The following HEATR5A variants were observed in gnomAD, a reference collection of about 807,000 sequenced individuals.
The protein encoded by HEATR5A is HEAT repeat-containing protein 5A.
In HEATR5A, 178 loss-of-function variants were observed where a neutral mutation model predicts 218.8. That is an observed-to-expected ratio of 0.81 (90% CI 0.72 to 0.92). HEATR5A has a LOEUF of 0.92. Ranked by LOEUF, HEATR5A falls within the 40% of genes least tolerant of loss-of-function variation. HEATR5A has a pLI of 0.00. For synonymous variants in HEATR5A, 864 were observed against 871.6 expected (o/e 0.99, Z 0.15); for missense variants, 2,420 against 2,418.9 (o/e 1.00, Z -0.01).
intron 6 of HEATR5A, among the ~76,000 whole-genome samples, chr14:31,393,120 C>G (rs985403578): frequency 2.0e-5 from 3 of 152,096 alleles, no homozygotes; most frequent in Non-Finnish European, 4.4e-5. Context: ...TATATGTAGT[C>G]AGATGCATGC....
At chr14:31,412,532 A>G (rs2031312320) in intron 1 of HEATR5A, among the ~76,000 whole-genome samples, 2 of 137,294 alleles carry the variant, frequency 1.5e-5, no homozygotes, top group African/African-American at 5.4e-5. Context: ...AAAAAAAAAA[A>G]GAAGACAAAT....
chr14:31,340,626 ATATTT>A, intron 21 of HEATR5A: 1 of 403,354 alleles, frequency 2.5e-6, no homozygotes, highest in Non-Finnish European at 4.1e-6. Context: ...TTTGCCACAA[ATATTT>A]TATTTTCCAA....
chr14:31,364,877 T>G (rs1901746641), intron 13 of HEATR5A, among the ~76,000 whole-genome samples: 1 of 149,490 alleles, frequency 6.7e-6, no homozygotes, highest in African/African-American at 2.6e-5. Context: ...GTTTTTGGTT[T>G]GTTTGTTTTG....
At chr14:31,418,695 T>C (rs1050209826) in intron 1 of HEATR5A, among the ~76,000 whole-genome samples, 16 of 152,194 alleles carry the variant, frequency 1.1e-4, no homozygotes, top group African/African-American at 3.9e-4. Context: ...TAAAGGATTG[T>C]TCAAACTCTT....
At chr14:31,295,178 G>C (rs914978970) in intron 34 of HEATR5A, among the ~76,000 whole-genome samples, 1 of 152,076 alleles carries the variant, frequency 6.6e-6, no homozygotes, top group Middle Eastern at 3.2e-3. Context: ...TAAAAGAATG[G>C]GATAAATTTG....
intron 1 of HEATR5A, among the ~76,000 whole-genome samples, chr14:31,417,526 A>C (rs968606562): frequency 6.6e-6 from 1 of 152,106 alleles, no homozygotes; most frequent in Non-Finnish European, 1.5e-5. Context: ...CGGAGCTTGC[A>C]GCAGCCCAGA....
chr14:31,361,983 G>T (rs11848928), intron 14 of HEATR5A, among the ~76,000 whole-genome samples: 3,391 of 144,230 alleles, frequency 0.024, 120 homozygotes, highest in African/African-American at 0.082. Flanking sequence ...TATTTATTTA[G>T]AGATGGAATC....
chr14:31,393,823 A>G (rs1264123394), intron 6 of HEATR5A, among the ~76,000 whole-genome samples: 1 of 152,016 alleles, frequency 6.6e-6, no homozygotes, highest in East Asian at 1.9e-4. Flanking sequence ...TAATTTTTGT[A>G]TTTTTAGTAT....
intron 13 of HEATR5A, among the ~76,000 whole-genome samples, chr14:31,367,371 C>G (rs1901840009): frequency 6.6e-6 from 1 of 151,820 alleles, no homozygotes; most frequent in Admixed American, 6.6e-5. Context: ...TCCACAGATT[C>G]AATGCAATCT....
At chr14:31,386,977 AG>A in intron 8 of HEATR5A, 142 bp downstream of exon 8, 1 of 753,578 alleles carries the variant, frequency 1.3e-6, no homozygotes, top group Non-Finnish European at 2.1e-6. Context: ...TAAATTCTAT[AG>A]GAAGTACAAC....
rs946462109 is a variant in HEATR5A at position 31,400,349 on chromosome 14, T to G, written c.290A>C (p.Asp97Ala). 6.5e-7 allele frequency: 1 copy of G among 1,535,762 alleles called. No homozygotes were observed. Among genetic ancestry groups the G allele is most frequent in the African/African-American group, 1.4e-5 (1 of 73,028 alleles). ...AGAATCATCTTTGCTACGAATAAGA[T>G]CATTACATTTATCGATTGCTTCATG... ...SVHEAIDKCNDLIRSKDDSPS... is the reference protein window; with the variant it reads ...SVHEAIDKCNALIRSKDDSPS... The change falls in exon 3 of 36, where the codon GAT (aspartate) becomes GCT (alanine). Residue 97 changes from aspartate to alanine, a missense_variant. Coordinates refer to ENST00000543095, the MANE Select transcript of HEATR5A (RefSeq NM_015473.4).
At chr14:31,326,392 C>T (rs1900266802) in intron 22 of HEATR5A, 50 bp from the exon 23 acceptor site, 2 of 1,338,256 alleles carry the variant, frequency 1.5e-6, no homozygotes, top group South Asian at 2.6e-5. Flanking sequence ...ACAAAACTAC[C>T]ATATCAGAAG....
At chr14:31,371,110 A>G (rs1027874199) in intron 13 of HEATR5A, among the ~76,000 whole-genome samples, 1 of 152,182 alleles carries the variant, frequency 6.6e-6, no homozygotes, top group African/African-American at 2.4e-5. Flanking sequence ...TCATTCATTC[A>G]TTCATTCACC....
chr14:31,403,169 G>T, intron 1 of HEATR5A, 120 bp from the exon 2 acceptor site: 1 of 500,908 alleles, frequency 2.0e-6, no homozygotes, highest in Non-Finnish European at 3.5e-6. Flanking sequence ...GCTCTAGGGT[G>T]AATCTGGGAA....
At chr14:31,335,482 G>A (rs777757596) in intron 22 of HEATR5A, among the ~76,000 whole-genome samples, 6 of 151,762 alleles carry the variant, frequency 4.0e-5, no homozygotes, top group Non-Finnish European at 7.4e-5. Flanking sequence ...GCCACAACTT[G>A]GGCCAGCTCC....
intron 1 of HEATR5A, among the ~76,000 whole-genome samples, chr14:31,417,114 C>A (rs761275667): frequency 1.3e-5 from 2 of 152,018 alleles, no homozygotes; most frequent in Non-Finnish European, 2.9e-5. Context: ...AGTAAAGGTA[C>A]CTTACTGCTG....
chr14:31,358,755 A>G lies in HEATR5A; in HGVS notation c.2293T>C (p.Tyr765His), dbSNP rs766048651. 3.7e-6 allele frequency: 6 copies of G among 1,613,836 alleles called. No individual in the cohort carries two copies. Among genetic ancestry groups the G allele is most frequent in the Non-Finnish European group, 5.1e-6 (6 of 1,179,872 alleles). ...GSLEYDPYSI[Y>H]EKDVEGDSVP... ...GAATCTCCCTCTACATCTTTCTCATAAATCGAATAAGGGTCATATTCAAGA... is the reference window on the plus strand; with the variant it reads ...GAATCTCCCTCTACATCTTTCTCATGAATCGAATAAGGGTCATATTCAAGA... The change falls in exon 16 of 36, where the codon TAT becomes CAT. Residue 765 changes from tyrosine to histidine, a missense_variant. Coordinates refer to ENST00000543095, the MANE Select transcript of HEATR5A (RefSeq NM_015473.4).
chr14:31,313,346 C>G (rs191942750), intron 27 of HEATR5A, among the ~76,000 whole-genome samples, 156 bp from the exon 28 acceptor site: 2 of 152,114 alleles, frequency 1.3e-5, no homozygotes, highest in Non-Finnish European at 2.9e-5. Flanking sequence ...TAACTACACA[C>G]AGAAAACTGG....
intron 18 of HEATR5A, among the ~76,000 whole-genome samples, chr14:31,349,379 G>GTC (rs1901134509): frequency 6.6e-6 from 1 of 150,810 alleles, no homozygotes; most frequent in Non-Finnish European, 1.5e-5. Context: ...GTGAGACTCC[G>GTC]TCTCAAAAAA....
Sources: gnomAD v4.1 joint callset for allele counts (sites outside exome capture counted in the v4.1 genomes callset) on GRCh38, gnomAD v4.1.1 for gene constraint, MANE v1.5 for transcripts, NCBI Gene and HGNC (gene_info 2026-07-23, HGNC 2026-07-21) for gene names.